The following DYNC2H1 variants were observed in gnomAD, a reference collection of about 807,000 sequenced individuals.
DYNC2H1 encodes cytoplasmic dynein 2 heavy chain 1.
DYNC2H1 carries 410 observed loss-of-function variants against 570.0 expected under a neutral mutation model. The ratio of observed to expected loss-of-function variants is 0.72; its 90% CI spans 0.66 to 0.78. The LOEUF is 0.78. DYNC2H1 is among the 30% of genes least tolerant of loss of function. The pLI is 0.00. For missense variants in DYNC2H1, 4,865 were observed against 5,046.4 expected (o/e 0.96, Z 1.09); for synonymous variants, 1,688 against 1,677.6 (o/e 1.01, Z -0.15).
At chr11:103,273,375 G>C (rs1177883330) in intron 70 of DYNC2H1, among the ~76,000 whole-genome samples, 1 of 152,012 alleles carries the variant, frequency 6.6e-6, no homozygotes, top group Non-Finnish European at 1.5e-5. Context: ...TTTTTGTAGA[G>C]ATGGAATTTC....
intron 70 of DYNC2H1, among the ~76,000 whole-genome samples, chr11:103,266,809 G>T (rs562764000): frequency 2.0e-5 from 3 of 152,170 alleles, no homozygotes; most frequent in African/African-American, 7.2e-5. Flanking sequence ...GCAAGCAGGC[G>T]TGGCCAGATT....
In DYNC2H1 at chr11:103,241,518, C is replaced by G. The variant is rs1864421286; in HGVS notation, c.9820-2175C>G. 6.3e-7 allele frequency: 1 copy of G among 1,593,012 alleles called. No homozygotes were observed. The highest frequency in any genetic ancestry group is 2.2e-5 in the East Asian group (1 of 44,482). On this transcript the variant is annotated intron_variant, in intron 63 of 88. Coordinates refer to ENST00000375735, the MANE Select transcript of DYNC2H1 (RefSeq NM_001377.3). This position sits in a 1 kb window ranked among gnomAD's most constrained non-coding sequence, Gnocchi z 5.1. ...TGTTACCTTTCTTCTTTTCATTTAA[C>G]TGCATCAGATCATTGGTTTGAAATC...
chr11:103,415,139 A>T (rs983470538), intron 84 of DYNC2H1, among the ~76,000 whole-genome samples: 2 of 152,164 alleles, frequency 1.3e-5, no homozygotes, highest in African/African-American at 2.4e-5. Context: ...CTGGATCCCT[A>T]CCTTACACCT....
Position 103,465,716 on chromosome 11 carries a change from G to T in DYNC2H1, c.12649-2873G>T, listed in dbSNP as rs1047298385. Among the ~76,000 whole-genome samples, 3 of 106,594 alleles carry T rather than the reference G, an allele frequency of 2.8e-5. No individual in the cohort carries two copies. Among genetic ancestry groups the T allele is most frequent in the Admixed American group, 2.3e-4 (2 of 8,786 alleles). 69.9% of individuals were successfully genotyped at this position (106,594 alleles called of 152,430 possible). A position where few individuals can be genotyped will look rare whatever the true frequency, so the allele number is the denominator to read the frequency against. ...CTTCACATGCCCTCTCATACTGTAG[G>T]TACCTCATACTGAGGTACCTCAGTC... On this transcript the variant is annotated intron_variant, in intron 87 of 88. Transcript: ENST00000375735. The surrounding 1 kb of genome is among the most constrained non-coding windows in gnomAD (Gnocchi z 4.9).
At chr11:103,253,913 T>C (rs1358446500) in intron 66 of DYNC2H1, among the ~76,000 whole-genome samples, 1 of 152,128 alleles carries the variant, frequency 6.6e-6, no homozygotes, top group East Asian at 1.9e-4. Flanking sequence ...TCATTACAGT[T>C]CAGAATTATT....
intron 82 of DYNC2H1, among the ~76,000 whole-genome samples, chr11:103,345,492 T>C (rs904683735): frequency 6.6e-6 from 1 of 152,244 alleles, no homozygotes; most frequent in Non-Finnish European, 1.5e-5. Flanking sequence ...TATTTTGGGA[T>C]GCCTTTATTG....
At chr11:103,336,220 A>G (rs936807569) in intron 82 of DYNC2H1, among the ~76,000 whole-genome samples, 1 of 152,222 alleles carries the variant, frequency 6.6e-6, no homozygotes, top group Non-Finnish European at 1.5e-5. Context: ...AAAAGCATAC[A>G]CTGTGTAATG....
intron 83 of DYNC2H1, among the ~76,000 whole-genome samples, chr11:103,380,602 C>A (rs373562830): frequency 6.6e-6 from 1 of 152,020 alleles, no homozygotes; most frequent in Non-Finnish European, 1.5e-5. Flanking sequence ...CCTCTGTCAC[C>A]CAGGGTGGAG....
chr11:103,205,228 A>G lies in DYNC2H1; in HGVS notation c.8454+264A>G, dbSNP rs1424195378. 6.6e-6 allele frequency among the ~76,000 whole-genome samples: 1 copy of G among 152,138 alleles called. No homozygotes were observed. The highest frequency in any genetic ancestry group is 2.4e-5 in the African/African-American group (1 of 41,436). On this transcript the variant is annotated intron_variant, in intron 52 of 88. Coordinates refer to ENST00000375735, the MANE Select transcript of DYNC2H1 (RefSeq NM_001377.3). This position sits in a 1 kb window ranked among gnomAD's most constrained non-coding sequence, Gnocchi z 4.5. Reference sequence around the variant, plus strand: ...TTTTATGGCTTTAATTAACTAGCCTATTACAGGCTGTCCTAGATTTTTAAA... The same window carrying G: ...TTTTATGGCTTTAATTAACTAGCCTGTTACAGGCTGTCCTAGATTTTTAAA...
rs57040929 is a variant in DYNC2H1, at chr11:103,288,684, TAAAAAAA to T, written c.11095+1099_11095+1105del. On this transcript the variant is annotated intron_variant, in intron 75 of 88. Transcript: ENST00000375735. ...CTACATGGTGAAACCCCGTCTCTAC[TAAAAAAA>T]AAAAAAAAAAAAAAAAAAAGAAAAG... Among the ~76,000 whole-genome samples, 5 of 27,902 alleles carry T rather than the reference TAAAAAAA, an allele frequency of 1.8e-4. 1 individual carries two copies. Among genetic ancestry groups the T allele is most frequent in the Admixed American group, 6.4e-4 (1 of 1,552 alleles). The allele number at this position is 27,902 out of a possible 152,430, so 18.3% of individuals were successfully genotyped here. A position where few individuals can be genotyped will look rare whatever the true frequency, so the allele number is the denominator to read the frequency against.
chr11:103,470,107 G>A (rs1041248996), intron 88 of DYNC2H1, among the ~76,000 whole-genome samples: 1 of 152,034 alleles, frequency 6.6e-6, no homozygotes, highest in African/African-American at 2.4e-5. Context: ...AATAAATATA[G>A]GAGACAATGA....
intron 83 of DYNC2H1, among the ~76,000 whole-genome samples, chr11:103,392,277 T>A (rs1942189528): frequency 6.6e-6 from 1 of 152,238 alleles, no homozygotes; most frequent in African/African-American, 2.4e-5. Context: ...CTAGGCTCCA[T>A]GGGCATAGGA....
At position 103,133,903 on chromosome 11, in the gene DYNC2H1, A is replaced by T. The variant is rs532880643; in HGVS notation, c.2106+196A>T. Among the ~76,000 whole-genome samples, 8 of 152,312 alleles carry T rather than the reference A, an allele frequency of 5.3e-5. No individual in the cohort carries two copies. The South Asian group carries it at 1.7e-3, about 32-fold the overall frequency. ...TATAACCGGAGTAGTTATCAAAACC[A>T]GGAAAAAGACTGTTTTGAATTTTAC... On this transcript the variant is annotated intron_variant, in intron 14 of 88. Coordinates refer to ENST00000375735, the MANE Select transcript of DYNC2H1 (RefSeq NM_001377.3). The surrounding 1 kb of genome is among the most constrained non-coding windows in gnomAD (Gnocchi z 4.8).
chr11:103,466,552 C>T (rs1945200188), intron 87 of DYNC2H1, among the ~76,000 whole-genome samples: 1 of 152,082 alleles, frequency 6.6e-6, no homozygotes, highest in Non-Finnish European at 1.5e-5. Flanking sequence ...ATAGATCAAT[C>T]TTTTAAAGAA....
chr11:103,311,699 G>A (rs546121588), intron 78 of DYNC2H1, among the ~76,000 whole-genome samples, 179 bp from the exon 79 acceptor site: 50 of 152,162 alleles, frequency 3.3e-4, no homozygotes, highest in African/African-American at 1.2e-3. Context: ...GAGATGAACT[G>A]TTAGATATAA....
At chr11:103,231,598 A>AT (rs1864015017) in intron 60 of DYNC2H1, among the ~76,000 whole-genome samples, 3 of 151,830 alleles carry the variant, frequency 2.0e-5, no homozygotes, top group Admixed American at 2.0e-4. Context: ...TCATTTTTGA[A>AT]TATTAGTTTT....
chr11:103,363,956 T>TC lies in DYNC2H1; in HGVS notation c.12156+5599dup, dbSNP rs556195025. ...TTCCCAATGTAATAGGAGTCTTTTT[T>TC]CCATATGAGGACCTTGAAGCTCCAT... On this transcript the variant is annotated intron_variant, in intron 83 of 88. Coordinates refer to ENST00000375735, the MANE Select transcript of DYNC2H1 (RefSeq NM_001377.3). This position sits in a 1 kb window ranked among gnomAD's most constrained non-coding sequence, Gnocchi z 5.6. Among the ~76,000 whole-genome samples the TC allele has an allele frequency of 1.2e-3, 187 of 152,268 alleles. 1 individual carries two copies. Among genetic ancestry groups the TC allele is most frequent in the African/African-American group, 4.2e-3 (174 of 41,554 alleles).
chr11:103,279,396 C>T (rs1163636886), intron 70 of DYNC2H1, among the ~76,000 whole-genome samples: 1 of 152,056 alleles, frequency 6.6e-6, no homozygotes, highest in Non-Finnish European at 1.5e-5. Context: ...AGAGTATGAT[C>T]CTCCTAAGAC....
rs1017273743 is a variant in DYNC2H1 at position 103,287,598 on chromosome 11, A to C, written c.11088A>C (p.Lys3696Asn). 1.9e-6 allele frequency: 3 copies of C among 1,611,236 alleles called. No individual in the cohort carries two copies. The highest frequency in any genetic ancestry group is 1.7e-5 in the Admixed American group (1 of 59,838). ...LQSAMALFAC[K>N]TLGLKEVSPL... Reference sequence around the variant, plus strand: ...GTGCCATGGCTCTTTTTGCATGTAAAACTCTGGGTAAGTGTGATGCTTTTC... The same window carrying C: ...GTGCCATGGCTCTTTTTGCATGTAACACTCTGGGTAAGTGTGATGCTTTTC... Residue 3696 changes from lysine to asparagine, a missense_variant, in exon 75 of 89, where the codon AAA (lysine) becomes AAC (asparagine). Physicochemically the swap from Lys to Asn is moderately conservative, Grantham distance 94. Transcript: ENST00000375735.
Sources: allele counts gnomAD v4.1 joint callset (sites outside exome capture counted in the v4.1 genomes callset), GRCh38; gene constraint gnomAD v4.1.1; non-coding constraint Gnocchi (gnomAD v3.1); transcripts MANE v1.5; gene names NCBI Gene and HGNC (gene_info 2026-07-23, HGNC 2026-07-21).